IGFLR1: variants seen among roughly 807,000 people sequenced by gnomAD.
IGFLR1 encodes IGF-like family receptor 1.
In IGFLR1, 17 loss-of-function variants were observed where a neutral mutation model predicts 23.4. The ratio of observed to expected loss-of-function variants is 0.73; its 90% CI spans 0.50 to 1.09. The LOEUF (loss-of-function observed/expected upper bound fraction) is 1.09. Ranked by LOEUF, IGFLR1 falls within the 50% of genes least tolerant of loss-of-function variation. The probability of loss-of-function intolerance (pLI) is 0.00; values close to 1 mark genes in which losing one functional copy is unlikely to be tolerated. For missense variants in IGFLR1, 556 were observed against 459.2 expected (o/e 1.21, Z -1.93); for synonymous variants, 265 against 210.7 (o/e 1.26, Z -2.23).
intron 3 of IGFLR1, 94 bp from the exon 4 acceptor site, chr19:35,740,182 T>G: frequency 4.3e-6 from 6 of 1,410,436 alleles, no homozygotes; most frequent in Non-Finnish European, 5.6e-6. Context: ...TGGGGCCACA[T>G]CCCATCTGAT....
chr19:35,739,325 C>T lies in IGFLR1; in HGVS notation c.1023G>A (p.Leu341=). The T allele has an allele frequency of 1.9e-6, 3 of 1,608,668 alleles. No homozygotes were observed. The highest frequency in any genetic ancestry group is 2.5e-6 in the Non-Finnish European group (3 of 1,177,254). The change falls in exon 5 of 5, where the codon TTG becomes TTA. Residue 341 remains leucine, a synonymous_variant. Transcript: ENST00000246532. Reference sequence around the variant, plus strand: ...ATGAGCCAAGCTTGGACAGCACCCGCAATGCATCTGCCCGCCCTAGCTGGG... The same window carrying T: ...ATGAGCCAAGCTTGGACAGCACCCGTAATGCATCTGCCCGCCCTAGCTGGG... ...HLAQLGRADA[L]RVLSKLGSSG... is the part of the protein sequence containing the mutation.
At position 35,738,838 on chromosome 19, in the gene IGFLR1, A is replaced by G. The variant is rs779266120; in HGVS notation, c.*442T>C. Reference sequence around the variant, plus strand: ...TTTTTTATTTAAGAGGTGGGGTCCCAGGTGGGAACCCCCCCACAATAAAGT... The same window carrying G: ...TTTTTTATTTAAGAGGTGGGGTCCCGGGTGGGAACCCCCCCACAATAAAGT... On this transcript the variant is annotated 3_prime_UTR_variant, in exon 5 of 5. Transcript: ENST00000246532. This position sits in a 1 kb window ranked among gnomAD's most constrained non-coding sequence, Gnocchi z 8.7. 1 of 498,340 alleles carries G rather than the reference A, an allele frequency of 2.0e-6. No individual in the cohort carries two copies. Among genetic ancestry groups the G allele is most frequent in the Non-Finnish European group, 3.5e-6 (1 of 281,788 alleles). 30.9% of individuals were successfully genotyped at this position (498,340 alleles called of 1,614,324 possible). A position where few individuals can be genotyped will look rare whatever the true frequency, so the allele number is the denominator to read the frequency against.
intron 3 of IGFLR1, 127 bp downstream of exon 3, chr19:35,740,253 C>T (rs1970134666): frequency 1.5e-6 from 2 of 1,326,804 alleles, no homozygotes; most frequent in Admixed American, 2.9e-5. Context: ...TAGGACCTCC[C>T]GACCCCTGCA....
chr19:35,740,741 G>C, intron 2 of IGFLR1, 177 bp from the exon 3 acceptor site: 1 of 685,802 alleles, frequency 1.5e-6, no homozygotes. Flanking sequence ...CCTCCAGCCT[G>C]CTCCGCACGA....
chr19:35,740,051 GGT>G lies in IGFLR1; in HGVS notation c.378_379del (p.Pro127TrpfsTer7). On this transcript the variant is annotated frameshift_variant, in exon 4 of 5. Transcript: ENST00000246532. LOFTEE classifies it high-confidence loss of function. Reference sequence around the variant, plus strand: ...GGAGCTAGGGGCGCCTGGGTTTCCAGGTGTGAGGGGGCAGTGCCCCTTGGCAG... The same window carrying G: ...GGAGCTAGGGGCGCCTGGGTTTCCAGGTGAGGGGGCAGTGCCCCTTGGCAG... The G allele has an allele frequency of 6.2e-7, 1 of 1,613,852 alleles. No individual in the cohort carries two copies. The highest frequency in any genetic ancestry group is 8.5e-7 in the Non-Finnish European group (1 of 1,179,944).
intron 3 of IGFLR1, 81 bp from the exon 4 acceptor site, chr19:35,740,169 TA>T: frequency 1.4e-6 from 2 of 1,461,572 alleles, no homozygotes; most frequent in East Asian, 4.9e-5. Flanking sequence ...TTATATCCTT[TA>T]ATGGGGCCAC....
rs763869158 is a variant in IGFLR1, at chr19:35,741,106, G to T, written c.75C>A (p.Tyr25Ter). The part of the protein sequence containing the change: ...ALAPPPEASQ[Y>*]CGRLEYWNPD... Reference sequence around the variant, plus strand: ...GGTTCCAGTATTCAAGGCGGCCGCAGTACTGGGAGGCTTCCGGCGGTGGCG... The same window carrying T: ...GGTTCCAGTATTCAAGGCGGCCGCATTACTGGGAGGCTTCCGGCGGTGGCG... The change falls in exon 2 of 5, where the codon TAC becomes TAA. Residue 25 changes from tyrosine to a stop codon, truncating the protein, a stop_gained. Transcript: ENST00000246532. LOFTEE classifies it high-confidence loss of function. The T allele has an allele frequency of 1.9e-6, 3 of 1,603,058 alleles. No homozygotes were observed. The highest frequency in any genetic ancestry group is 1.7e-6 in the Non-Finnish European group (2 of 1,172,816).
chr19:35,741,994 C>A (rs1190590228), intron 1 of IGFLR1, among the ~76,000 whole-genome samples: 1 of 152,026 alleles, frequency 6.6e-6, no homozygotes, highest in Non-Finnish European at 1.5e-5. Context: ...GCCTGTAAAT[C>A]CCAGCTACTT....
chr19:35,740,162 T>C, intron 3 of IGFLR1, 74 bp from the exon 4 acceptor site: 1 of 1,478,910 alleles, frequency 6.8e-7, no homozygotes, highest in Non-Finnish European at 8.9e-7. Context: ...CCCAACTTTA[T>C]ATCCTTTAAT....
chr19:35,740,726 AC>A (rs997843561), intron 2 of IGFLR1, 162 bp from the exon 3 acceptor site: 4 of 695,166 alleles, frequency 5.8e-6, no homozygotes, highest in Admixed American at 3.3e-5. Flanking sequence ...TCGCCTTTTC[AC>A]CCCCCTCCAG....
Position 35,739,966 on chromosome 19 carries a change from C to T in IGFLR1, c.465G>A (p.Gln155=), listed in dbSNP as rs1568390037. The change falls in exon 4 of 5, where the codon CAG becomes CAA. Residue 155 remains glutamine, a synonymous_variant. Transcript: ENST00000246532. Reference sequence around the variant, plus strand: ...GCGGAAGGAAATTCGGCCAGGCCTGCTGAGGGACAGGCTCAGGGGTCCTCC... The same window carrying T: ...GCGGAAGGAAATTCGGCCAGGCCTGTTGAGGGACAGGCTCAGGGGTCCTCC... ...IAWRTPEPVP[Q]QAWPNFLPLV... The T allele has an allele frequency of 6.2e-7, 1 of 1,614,160 alleles. No individual in the cohort carries two copies. Among genetic ancestry groups the T allele is most frequent in the African/African-American group, 1.3e-5 (1 of 75,042 alleles).
In IGFLR1 at chr19:35,739,338, C is replaced by G. The variant is rs572529184; in HGVS notation, c.1010G>C (p.Arg337Pro). The G allele has an allele frequency of 1.2e-6, 2 of 1,610,028 alleles. No homozygotes were observed. Among genetic ancestry groups the G allele is most frequent in the African/African-American group, 1.3e-5 (1 of 74,874 alleles). Reference protein sequence around the residue: ...QLGTHLAQLGRADALRVLSKL... With the variant: ...QLGTHLAQLGPADALRVLSKL... ...GGACAGCACCCGCAATGCATCTGCC[C>G]GCCCTAGCTGGGCGAGGTGTGTGCC... The change falls in exon 5 of 5, where the codon CGG becomes CCG. Residue 337 changes from arginine (R) to proline (P), a missense_variant. Arg to Pro is a moderately radical substitution (Grantham distance 103). Transcript: ENST00000246532.
At chr19:35,739,665 G>T in intron 4 of IGFLR1, 39 bp from the exon 5 acceptor site, 1 of 1,576,156 alleles carries the variant, frequency 6.3e-7, no homozygotes. Flanking sequence ...GGAAGAGCGG[G>T]CGTCCAGTCC....
Position 35,739,713 on chromosome 19 carries a change from T to G in IGFLR1, c.718A>C (p.Arg240=), listed in dbSNP as rs533481911. ...KEASLLPLLS[R]ELSSLASQPL... is the part of the protein sequence containing the mutation. ...CCGGGGCTCCTCCAGGACTAACCCC[T>G]GCTCAGGAGTGGAAGTAGTGAGGCC... is the stretch of plus-strand genomic sequence containing the variant. Residue 240 remains arginine (R), a synonymous_variant, in exon 4 of 5, where the codon AGG becomes CGG. Coordinates refer to ENST00000246532, the MANE Select transcript of IGFLR1 (RefSeq NM_024660.4). 6 of 1,551,986 alleles carry G rather than the reference T, an allele frequency of 3.9e-6. No homozygotes were observed. The African/African-American group carries it at 5.4e-5, about 14-fold the overall frequency.
At chr19:35,742,344 A>C in intron 1 of IGFLR1, 52 bp downstream of exon 1, 1 of 1,399,652 alleles carries the variant, frequency 7.1e-7, no homozygotes, top group Non-Finnish European at 9.5e-7. Context: ...AATAAGCCTC[A>C]GATGGAGGTG....
chr19:35,742,163 C>G (rs1210796311), intron 1 of IGFLR1, among the ~76,000 whole-genome samples: 1 of 152,192 alleles, frequency 6.6e-6, no homozygotes, highest in Non-Finnish European at 1.5e-5. Flanking sequence ...ACAGTAAACT[C>G]AGTGTTTAAG....
Position 35,742,401 on chromosome 19 carries a change from G to C in IGFLR1, c.-49C>G. 6.5e-7 allele frequency: 1 copy of C among 1,531,772 alleles called. No homozygotes were observed. Among genetic ancestry groups the C allele is most frequent in the Non-Finnish European group, 8.7e-7 (1 of 1,144,486 alleles). 94.9% of individuals were successfully genotyped at this position (1,531,772 alleles called of 1,614,324 possible). On this transcript the variant is annotated 5_prime_UTR_variant, in exon 1 of 5. Coordinates refer to ENST00000246532, the MANE Select transcript of IGFLR1 (RefSeq NM_024660.4). Reference sequence around the variant, plus strand: ...TGTCCCCACCCTACCAGTACCGTTAGGGTCCTGGGTCCCAAGCTGGCCGTG... The same window carrying C: ...TGTCCCCACCCTACCAGTACCGTTACGGTCCTGGGTCCCAAGCTGGCCGTG...
At position 35,739,112 on chromosome 19, in the gene IGFLR1, C is replaced by A; in HGVS notation, c.*168G>T. ...CTGGTGGCCCAGAGGCACCTGGGGT[C>A]AGCCCTCCCACATGTGGCCCTGTGT... On this transcript the variant is annotated 3_prime_UTR_variant, in exon 5 of 5. Transcript: ENST00000246532. 4 of 676,928 alleles carry A rather than the reference C, an allele frequency of 5.9e-6. No homozygotes were observed. Among genetic ancestry groups the A allele is most frequent in the Non-Finnish European group, 9.7e-6 (4 of 410,936 alleles). 41.9% of individuals were successfully genotyped at this position (676,928 alleles called of 1,614,324 possible).
chr19:35,740,206 A>C (rs1970131587), intron 3 of IGFLR1, 118 bp from the exon 4 acceptor site: 1 of 1,376,626 alleles, frequency 7.3e-7, no homozygotes, highest in African/African-American at 1.5e-5. Flanking sequence ...GTATCTGATA[A>C]GGTAGTTGGG....
Sources: allele counts gnomAD v4.1 joint callset (sites outside exome capture counted in the v4.1 genomes callset), GRCh38; gene constraint gnomAD v4.1.1; non-coding constraint Gnocchi (gnomAD v3.1); transcripts MANE v1.5; gene names NCBI Gene and HGNC (gene_info 2026-07-23, HGNC 2026-07-21).